Variants in NTM observed in about 807,000 individuals in gnomAD.
NTM encodes the protein IgLON family member 2.
Under a neutral mutation model 42.1 loss-of-function variants are expected in NTM, and 13 were observed. That is an observed-to-expected ratio of 0.31 (90% CI 0.20 to 0.49). NTM has a LOEUF of 0.49. NTM is among the 20% of genes least tolerant of loss of function. The pLI is 0.99. For synonymous variants in NTM, 187 were observed against 179.2 expected (o/e 1.04, Z -0.35); for missense variants, 373 against 452.8 (o/e 0.82, Z 1.60).
intron 1 of NTM, among the ~76,000 whole-genome samples, chr11:131,619,367 G>A (rs1017375508): frequency 2.2e-4 from 34 of 152,182 alleles, no homozygotes; most frequent in African/African-American, 8.2e-4. Context: ...ACTTGACACA[G>A]TCAGAAAAAC....
intron 2 of NTM, among the ~76,000 whole-genome samples, chr11:132,019,183 T>A (rs982022010): frequency 6.6e-6 from 1 of 152,034 alleles, no homozygotes; most frequent in South Asian, 2.1e-4. Context: ...TTATCATTAT[T>A]ATATCACTTG....
At chr11:131,526,618 A>T (rs1002966408) in intron 1 of NTM, among the ~76,000 whole-genome samples, 25 of 152,284 alleles carry the variant, frequency 1.6e-4, no homozygotes, top group Admixed American at 3.3e-4. Flanking sequence ...TGTGCACAGG[A>T]GCCTGGAATG....
intron 4 of NTM, among the ~76,000 whole-genome samples, chr11:132,249,358 C>T (rs894948964): frequency 6.6e-6 from 1 of 152,144 alleles, no homozygotes; most frequent in Non-Finnish European, 1.5e-5. Flanking sequence ...TTGAATTAAG[C>T]AGCCCTCCTG....
At chr11:132,322,842 G>C (rs1362964445) in intron 7 of NTM, among the ~76,000 whole-genome samples, 1 of 146,942 alleles carries the variant, frequency 6.8e-6, no homozygotes, top group Non-Finnish European at 1.5e-5. Flanking sequence ...TCAGACCACA[G>C]TGCAATCAAA....
chr11:131,749,067 C>A (rs955381717), intron 1 of NTM, among the ~76,000 whole-genome samples: 4 of 152,216 alleles, frequency 2.6e-5, no homozygotes, highest in African/African-American at 9.6e-5. Context: ...ACTCTTTGGG[C>A]ACTGTGATAA....
intron 1 of NTM, among the ~76,000 whole-genome samples, chr11:131,909,495 TTGA>T (rs2054368649): frequency 6.6e-6 from 1 of 152,198 alleles, no homozygotes; most frequent in South Asian, 2.1e-4. Context: ...CTGGTTGTGT[TTGA>T]TAGAGTCTAG....
intron 1 of NTM, among the ~76,000 whole-genome samples, chr11:131,477,289 A>G (rs548221199): frequency 2.0e-5 from 3 of 152,322 alleles, no homozygotes; most frequent in African/African-American, 7.2e-5. Context: ...CAGCGGAAGC[A>G]GTGAAGAAAC....
At chr11:132,297,346 C>T (rs1255474846) in intron 4 of NTM, among the ~76,000 whole-genome samples, 4 of 152,176 alleles carry the variant, frequency 2.6e-5, no homozygotes, top group Non-Finnish European at 4.4e-5. Flanking sequence ...TGGGATTCTT[C>T]AGGAAAGCCT....
intron 6 of NTM, among the ~76,000 whole-genome samples, chr11:132,313,624 G>A (rs749539915): frequency 1.3e-5 from 2 of 152,176 alleles, no homozygotes; most frequent in African/African-American, 4.8e-5. Flanking sequence ...AAAGTAGGTG[G>A]TATCCATGAT....
At chr11:131,646,568 T>C (rs2065797649) in intron 1 of NTM, among the ~76,000 whole-genome samples, 2 of 152,246 alleles carry the variant, frequency 1.3e-5, no homozygotes, top group South Asian at 4.1e-4. Context: ...TTCCAGATTT[T>C]TTATTGTGCT....
At chr11:131,600,602 G>T (rs148072859) in intron 1 of NTM, among the ~76,000 whole-genome samples, 2 of 152,114 alleles carry the variant, frequency 1.3e-5, no homozygotes, top group African/African-American at 4.8e-5. Flanking sequence ...TGCATTTACC[G>T]TTCCTCTGCC....
At chr11:131,702,252 CCTT>C (rs997635180) in intron 1 of NTM, among the ~76,000 whole-genome samples, 19 of 152,184 alleles carry the variant, frequency 1.2e-4, no homozygotes, top group African/African-American at 4.6e-4. Context: ...GAGCTTTACT[CCTT>C]CTCTCTAAAA....
chr11:131,743,232 GT>G (rs1179655978), intron 1 of NTM, among the ~76,000 whole-genome samples: 3,542 of 141,036 alleles, frequency 0.025, 112 homozygotes, highest in African/African-American at 0.076. Flanking sequence ...ATTGTTAATG[GT>G]TTTTTTTTTT....
rs541966299 is a variant in NTM at position 132,285,378 on chromosome 11, A to G, written c.527-22311A>G. On this transcript the variant is annotated intron_variant, in intron 4 of 8. Transcript: ENST00000683400. ...TCTTCTCACCTTTTTGTTGTTGTTA[A>G]TTGTCATGCACATCTTGAAGAAGGA... Among the ~76,000 whole-genome samples, 15 of 152,180 alleles carry G rather than the reference A, an allele frequency of 9.9e-5. No homozygotes were observed. In the South Asian group the frequency reaches 1.9e-3, roughly 19 times the overall value.
chr11:131,769,560 A>T, intron 1 of NTM: 1 of 967,732 alleles, frequency 1.0e-6, no homozygotes, highest in Non-Finnish European at 1.2e-6. Flanking sequence ...AGATCAAAAT[A>T]TGTGTATCTC....
At chr11:131,819,007 T>G (rs1055113730) in intron 1 of NTM, among the ~76,000 whole-genome samples, 3 of 152,210 alleles carry the variant, frequency 2.0e-5, no homozygotes, top group African/African-American at 7.2e-5. Context: ...CCCTCCTAAC[T>G]GTTTAAACTG....
chr11:131,718,902 T>G (rs2078021221), intron 1 of NTM, among the ~76,000 whole-genome samples: 1 of 152,156 alleles, frequency 6.6e-6, no homozygotes, highest in South Asian at 2.1e-4. Context: ...TAATTATATT[T>G]CATTGCCTGG....
chr11:131,802,673 G>A (rs2092221959), intron 1 of NTM, among the ~76,000 whole-genome samples: 1 of 152,214 alleles, frequency 6.6e-6, no homozygotes, highest in South Asian at 2.1e-4. Context: ...TATGTGTGGG[G>A]AGTGCAGAAA....
At chr11:131,763,860 G>T (rs979534721) in intron 1 of NTM, among the ~76,000 whole-genome samples, 1 of 151,494 alleles carries the variant, frequency 6.6e-6, no homozygotes, top group Non-Finnish European at 1.5e-5. Context: ...TTCAGCTTTA[G>T]CCTTCAATGT....
Sources: allele counts gnomAD v4.1 joint callset (sites outside exome capture counted in the v4.1 genomes callset), GRCh38; gene constraint gnomAD v4.1.1; transcripts MANE v1.5; gene names NCBI Gene and HGNC (gene_info 2026-07-23, HGNC 2026-07-21).